Variants in CAMKMT observed in about 807,000 individuals in gnomAD.
The protein encoded by CAMKMT is CaM KMT.
A neutral mutation model predicts 48.0 loss-of-function variants in CAMKMT; 53 were observed. The observed-to-expected ratio is 1.10, with a 90% CI of 0.89 to 1.39. The LOEUF (loss-of-function observed/expected upper bound fraction) is 1.39. Ranked by LOEUF, CAMKMT falls within the 40% of genes most tolerant of loss-of-function variation. The pLI is 0.00. For synonymous variants in CAMKMT, 165 were observed against 152.3 expected (o/e 1.08, Z -0.61); for missense variants, 428 against 402.7 (o/e 1.06, Z -0.54).
At chr2:44,519,518 T>C (rs12185568) in intron 3 of CAMKMT, among the ~76,000 whole-genome samples, 71,084 of 152,050 alleles carry the variant, frequency 0.47, 19,009 homozygotes, top group Non-Finnish European at 0.61. Context: ...CTCTCTGCCT[T>C]AGTACGAGGC....
At chr2:44,685,448 G>C (rs1400253337) in intron 3 of CAMKMT, among the ~76,000 whole-genome samples, 1 of 152,154 alleles carries the variant, frequency 6.6e-6, no homozygotes, top group Non-Finnish European at 1.5e-5. Context: ...CAGGCACCAA[G>C]GTTTGACCAC....
At chr2:44,478,963 T>C (rs1271843485) in intron 3 of CAMKMT, among the ~76,000 whole-genome samples, 3 of 152,300 alleles carry the variant, frequency 2.0e-5, no homozygotes, top group Admixed American at 6.5e-5. Context: ...CCTCCCAAGG[T>C]GCTGGGATTA....
At chr2:44,666,833 C>T (rs1675007883) in intron 3 of CAMKMT, among the ~76,000 whole-genome samples, 1 of 152,196 alleles carries the variant, frequency 6.6e-6, no homozygotes, top group Admixed American at 6.5e-5. Flanking sequence ...TGGTCTTGAT[C>T]TCCTGACCTC....
At chr2:44,512,865 G>A (rs1427257471) in intron 3 of CAMKMT, among the ~76,000 whole-genome samples, 1 of 151,854 alleles carries the variant, frequency 6.6e-6, no homozygotes, top group Non-Finnish European at 1.5e-5. Flanking sequence ...ATAAATGTCA[G>A]TATTCCTAGG....
chr2:44,376,081 C>G (rs933708683), intron 2 of CAMKMT, among the ~76,000 whole-genome samples: 1 of 151,890 alleles, frequency 6.6e-6, no homozygotes, highest in Non-Finnish European at 1.5e-5. Context: ...AGCCACCACG[C>G]CCAGCCTGCT....
At chr2:44,617,143 A>G (rs150139382) in intron 3 of CAMKMT, among the ~76,000 whole-genome samples, 1 of 152,310 alleles carries the variant, frequency 6.6e-6, no homozygotes, top group Non-Finnish European at 1.5e-5. Flanking sequence ...ATATACATAC[A>G]TTCAGAGGTG....
chr2:44,387,257 CA>C (rs1273195177), intron 2 of CAMKMT, among the ~76,000 whole-genome samples: 1 of 152,114 alleles, frequency 6.6e-6, no homozygotes, highest in East Asian at 1.9e-4. Flanking sequence ...GGCCTTTTAC[CA>C]TTATGTAATG....
At chr2:44,510,294 A>G (rs953752488) in intron 3 of CAMKMT, among the ~76,000 whole-genome samples, 1 of 152,210 alleles carries the variant, frequency 6.6e-6, no homozygotes, top group Non-Finnish European at 1.5e-5. Context: ...AAAGAGTACT[A>G]GTCAATTATT....
chr2:44,716,250 C>T (rs549200223), intron 7 of CAMKMT, among the ~76,000 whole-genome samples: 1 of 152,182 alleles, frequency 6.6e-6, no homozygotes, highest in South Asian at 2.1e-4. Flanking sequence ...CCCAACTTCC[C>T]AGTTTGATTT....
chr2:44,652,139 C>T (rs1304631332), intron 3 of CAMKMT, among the ~76,000 whole-genome samples: 2 of 152,086 alleles, frequency 1.3e-5, no homozygotes, highest in Admixed American at 6.5e-5. Flanking sequence ...ATAACTCTAC[C>T]CACAGGCTGG....
chr2:44,722,176 C>CTTTTTTTTTTTTTTTTTTTTTTTTGTT (rs11323950), intron 7 of CAMKMT, among the ~76,000 whole-genome samples: 1 of 115,458 alleles, frequency 8.7e-6, no homozygotes, highest in Non-Finnish European at 1.8e-5. Flanking sequence ...TTTCTTTTTT[C>CTTTTTTTTTTTTTTTTTTTTTTTTGTT]TTTTTTTTTT....
At chr2:44,718,915 A>G (rs903036044) in intron 7 of CAMKMT, among the ~76,000 whole-genome samples, 10 of 152,152 alleles carry the variant, frequency 6.6e-5, no homozygotes, top group Non-Finnish European at 1.3e-4. Context: ...TGGGCCCCCA[A>G]GATTGGTTAT....
intron 3 of CAMKMT, among the ~76,000 whole-genome samples, chr2:44,683,441 A>G (rs1377893309): frequency 6.6e-6 from 1 of 152,208 alleles, no homozygotes; most frequent in Non-Finnish European, 1.5e-5. Context: ...TCGGTCATTA[A>G]CTAGCTAGCC....
intron 3 of CAMKMT, among the ~76,000 whole-genome samples, chr2:44,648,445 C>T (rs1673873611): frequency 6.6e-6 from 1 of 152,050 alleles, no homozygotes; most frequent in African/African-American, 2.4e-5. Context: ...AGATATTTTG[C>T]CTGTCATGGA....
Position 44,660,320 on chromosome 2 carries a change from T to A in CAMKMT, c.377-43963T>A, listed in dbSNP as rs147436861. ...GGCAAATATGTATCATTACTATTAT[T>A]ATCGTTAAAATAGCTTGGACCTTAT... is the stretch of plus-strand genomic sequence containing the variant. On this transcript the variant is annotated intron_variant, in intron 3 of 10. Transcript: ENST00000378494. Among the ~76,000 whole-genome samples the A allele has an allele frequency of 3.6e-3, 551 of 152,342 alleles. 1 individual carries two copies. Among genetic ancestry groups the A allele is most frequent in the African/African-American group, 0.012 (502 of 41,596 alleles).
chr2:44,608,351 C>T (rs1671414225), intron 3 of CAMKMT, among the ~76,000 whole-genome samples: 1 of 152,124 alleles, frequency 6.6e-6, no homozygotes, highest in South Asian at 2.1e-4. Flanking sequence ...GGATTACAGG[C>T]ATGAGCCACC....
chr2:44,627,955 G>A (rs775294107), intron 3 of CAMKMT, among the ~76,000 whole-genome samples: 3 of 151,706 alleles, frequency 2.0e-5, no homozygotes, highest in Non-Finnish European at 2.9e-5. Context: ...CCACCTTCTC[G>A]GCCTCCCAGA....
In CAMKMT at chr2:44,583,316, A is replaced by T. The variant is rs117631433; in HGVS notation, c.377-120967A>T. 4.7e-4 allele frequency among the ~76,000 whole-genome samples: 71 copies of T among 152,328 alleles called. 2 individuals are homozygous for T. In the East Asian group the frequency reaches 0.013, roughly 28 times the overall value. ...TCTCAAAGAGCTCATGATGAGAAAGATGTAAGACAGGCATTAAGTGACCAG... is the reference window on the plus strand; with the variant it reads ...TCTCAAAGAGCTCATGATGAGAAAGTTGTAAGACAGGCATTAAGTGACCAG... On this transcript the variant is annotated intron_variant, in intron 3 of 10. Transcript: ENST00000378494.
chr2:44,626,819 A>G (rs898419967), intron 3 of CAMKMT, among the ~76,000 whole-genome samples: 5 of 152,174 alleles, frequency 3.3e-5, no homozygotes, highest in Admixed American at 6.5e-5. Context: ...GTCCTGTATG[A>G]ATAAAGACAA....
Sources: allele counts gnomAD v4.1 joint callset (sites outside exome capture counted in the v4.1 genomes callset), GRCh38; gene constraint gnomAD v4.1.1; transcripts MANE v1.5; gene names NCBI Gene and HGNC (gene_info 2026-07-23, HGNC 2026-07-21).